Variants in PHLPP1 observed in about 807,000 individuals in gnomAD.
PHLPP1 encodes the protein PH domain leucine-rich repeat-containing protein phosphatase 1.
In PHLPP1, 42 loss-of-function variants were observed where a neutral mutation model predicts 117.2. The observed-to-expected ratio is 0.36, with a 90% CI of 0.28 to 0.46. The LOEUF (loss-of-function observed/expected upper bound fraction) is 0.46, where lower values mean the gene tolerates loss of function less well. Ranked by LOEUF, PHLPP1 falls within the 20% of genes least tolerant of loss-of-function variation. PHLPP1 has a pLI of 1.00. For missense variants in PHLPP1, 2,084 were observed against 2,241.9 expected (o/e 0.93, Z 1.42); for synonymous variants, 1,042 against 970.7 (o/e 1.07, Z -1.37).
intron 7 of PHLPP1, among the ~76,000 whole-genome samples, chr18:62,903,846 G>A (rs1701767): frequency 0.59 from 89,477 of 151,518 alleles, 26,604 homozygotes; most frequent in Middle Eastern, 0.68. Context: ...AGGACACCAT[G>A]AAGCTAGAGT....
At chr18:62,748,420 G>C (rs529660318) in intron 1 of PHLPP1, among the ~76,000 whole-genome samples, 1 of 151,702 alleles carries the variant, frequency 6.6e-6, no homozygotes, top group African/African-American at 2.4e-5. Context: ...AATTTTTTTA[G>C]TTTTTCCGTA....
At chr18:62,933,866 T>C (rs971050719) in intron 10 of PHLPP1, among the ~76,000 whole-genome samples, 4 of 152,022 alleles carry the variant, frequency 2.6e-5, no homozygotes, top group African/African-American at 9.7e-5. Context: ...AGGACAAATA[T>C]CTATAAGAAA....
rs745311627 is a variant in PHLPP1 at position 62,715,698 on chromosome 18, C to G, written c.15C>G (p.Ala5=). Reference sequence around the variant, plus strand: ...GCCCCACTGCAATGGAGCCCGCCGCCGCGGCCACGGTACAGCGACTCCCCG... The same window carrying G: ...GCCCCACTGCAATGGAGCCCGCCGCGGCGGCCACGGTACAGCGACTCCCCG... MEPA[A]AATVQRLPEL... Residue 5 remains alanine, a synonymous_variant, in exon 1 of 17, where the codon GCC becomes GCG. Transcript: ENST00000262719. The G allele has an allele frequency of 7.8e-7, 1 of 1,288,734 alleles. No homozygotes were observed. Among genetic ancestry groups the G allele is most frequent in the Non-Finnish European group, 9.8e-7 (1 of 1,015,560 alleles). The allele number at this position is 1,288,734 out of a possible 1,614,324, so 79.8% of individuals were successfully genotyped here.
intron 1 of PHLPP1, among the ~76,000 whole-genome samples, chr18:62,822,527 G>C (rs1222910483): frequency 2.6e-5 from 4 of 151,696 alleles, no homozygotes; most frequent in Admixed American, 6.6e-5. Context: ...CTCATGATCC[G>C]CCCGCCTCGG....
chr18:62,727,507 T>A (rs1420092165), intron 1 of PHLPP1, among the ~76,000 whole-genome samples: 1 of 150,922 alleles, frequency 6.6e-6, no homozygotes, highest in African/African-American at 2.4e-5. Flanking sequence ...CCTAGCTACT[T>A]GGGAAGCTGA....
At chr18:62,747,439 A>T (rs1911711412) in intron 1 of PHLPP1, among the ~76,000 whole-genome samples, 1 of 151,438 alleles carries the variant, frequency 6.6e-6, no homozygotes, top group Non-Finnish European at 1.5e-5. Context: ...CACAGCGCCC[A>T]GCCGATTTTT....
chr18:62,741,502 C>T (rs903246869), intron 1 of PHLPP1, among the ~76,000 whole-genome samples: 43 of 152,126 alleles, frequency 2.8e-4, no homozygotes, highest in Admixed American at 2.4e-3. Context: ...TGCACAAGGA[C>T]GCAGATTATC....
At chr18:62,880,606 A>G (rs1165653187) in intron 4 of PHLPP1, among the ~76,000 whole-genome samples, 3 of 152,046 alleles carry the variant, frequency 2.0e-5, no homozygotes, top group East Asian at 1.9e-4. Context: ...TGGGCTAACT[A>G]TGGGCAGATA....
At chr18:62,797,004 A>G (rs1375485632) in intron 1 of PHLPP1, among the ~76,000 whole-genome samples, 1 of 152,228 alleles carries the variant, frequency 6.6e-6, no homozygotes, top group African/African-American at 2.4e-5. Flanking sequence ...GGCAGAAGAT[A>G]TATAAATATT....
intron 1 of PHLPP1, among the ~76,000 whole-genome samples, chr18:62,793,393 T>C (rs573840722): frequency 9.2e-5 from 14 of 152,332 alleles, no homozygotes; most frequent in African/African-American, 3.1e-4. Flanking sequence ...TCATCTTGCC[T>C]GCCTGTTTGA....
chr18:62,751,582 C>T (rs1911855642), intron 1 of PHLPP1, among the ~76,000 whole-genome samples: 1 of 152,206 alleles, frequency 6.6e-6, no homozygotes, highest in South Asian at 2.1e-4. Flanking sequence ...ACTAGCCAGG[C>T]CCTTTGTGTC....
At chr18:62,930,850 A>G (rs1416639346) in intron 10 of PHLPP1, among the ~76,000 whole-genome samples, 1 of 152,172 alleles carries the variant, frequency 6.6e-6, no homozygotes, top group African/African-American at 2.4e-5. Flanking sequence ...TTCTCAGACC[A>G]CAGTGGAATA....
chr18:62,828,939 T>TA (rs1205815898), intron 1 of PHLPP1, among the ~76,000 whole-genome samples: 1 of 152,208 alleles, frequency 6.6e-6, no homozygotes, highest in Non-Finnish European at 1.5e-5. Flanking sequence ...AATGGGGAAA[T>TA]ACTTTTCTGG....
intron 1 of PHLPP1, among the ~76,000 whole-genome samples, chr18:62,827,529 C>G (rs1335529918): frequency 2.0e-5 from 3 of 152,192 alleles, no homozygotes; most frequent in Non-Finnish European, 4.4e-5. Context: ...CCATATTCCC[C>G]AGGGCCCACT....
intron 3 of PHLPP1, among the ~76,000 whole-genome samples, chr18:62,858,388 G>A (rs1165859855): frequency 4.6e-5 from 7 of 151,054 alleles, no homozygotes; most frequent in African/African-American, 1.5e-4. Flanking sequence ...TCAGCCTCCC[G>A]AGTAGCCGGG....
chr18:62,812,831 A>G (rs1914162946), intron 1 of PHLPP1, among the ~76,000 whole-genome samples: 1 of 152,110 alleles, frequency 6.6e-6, no homozygotes, highest in Non-Finnish European at 1.5e-5. Flanking sequence ...TAGAAGTTGT[A>G]GGTAACTTCA....
chr18:62,815,720 A>C (rs1312024820), intron 1 of PHLPP1, among the ~76,000 whole-genome samples: 1 of 152,228 alleles, frequency 6.6e-6, no homozygotes, highest in African/African-American at 2.4e-5. Context: ...GTTTGTTAGA[A>C]GCCAGTCACT....
intron 14 of PHLPP1, among the ~76,000 whole-genome samples, chr18:62,964,211 A>G (rs1212966634): frequency 6.6e-6 from 1 of 152,206 alleles, no homozygotes; most frequent in African/African-American, 2.4e-5. Flanking sequence ...GAAGAACAGA[A>G]AGTGGAGGTA....
chr18:62,904,028 G>A (rs537251319), intron 7 of PHLPP1, among the ~76,000 whole-genome samples: 13 of 152,250 alleles, frequency 8.5e-5, no homozygotes, highest in South Asian at 4.1e-4. Context: ...TGTTTATCAC[G>A]CACTTGTTTT....
Sources: allele counts gnomAD v4.1 joint callset (sites outside exome capture counted in the v4.1 genomes callset), GRCh38; gene constraint gnomAD v4.1.1; transcripts MANE v1.5; gene names NCBI Gene and HGNC (gene_info 2026-07-23, HGNC 2026-07-21).